The following TSEN15 variants were observed in gnomAD, a reference collection of about 807,000 sequenced individuals.
The protein encoded by TSEN15 is tRNA-splicing endonuclease subunit Sen15.
In TSEN15, 10 loss-of-function variants were observed where a neutral mutation model predicts 20.5. That is an observed-to-expected ratio of 0.49 (90% confidence interval 0.30 to 0.83). The LOEUF (loss-of-function observed/expected upper bound fraction) is 0.83, where lower values mean the gene tolerates loss of function less well. Ranked by LOEUF, TSEN15 falls within the 40% of genes least tolerant of loss-of-function variation. TSEN15 has a pLI of 0.06. For synonymous variants in TSEN15, 72 were observed against 80.1 expected (o/e 0.90, Z 0.54); for missense variants, 180 against 218.6 (o/e 0.82, Z 1.11).
In TSEN15 at chr1:184,072,909, G is replaced by T. The variant is rs1650941703; in HGVS notation, c.*62G>T. On this transcript the variant is annotated 3_prime_UTR_variant, in exon 5 of 5. Transcript: ENST00000645668. ...GATTGGATTTGAGACCCATCAGACT[G>T]CTTCATCTTTTATCTCAGAAATAGG... The T allele has an allele frequency of 6.7e-7, 1 of 1,499,408 alleles. No homozygotes were observed. The highest frequency in any genetic ancestry group is 1.4e-5 in the African/African-American group (1 of 70,400). The allele number at this position is 1,499,408 out of a possible 1,614,324, so 92.9% of individuals were successfully genotyped here. A position where few individuals can be genotyped will look rare whatever the true frequency, so the allele number is the denominator to read the frequency against.
Position 184,072,434 on chromosome 1 carries a change from T to G in TSEN15, c.495+136T>G. 3 of 834,850 alleles carry G rather than the reference T, an allele frequency of 3.6e-6. No individual in the cohort carries two copies. The East Asian group carries it at 9.0e-5, about 25-fold the overall frequency. 51.7% of individuals were successfully genotyped at this position (834,850 alleles called of 1,614,324 possible). ...AAAATTCAAGAAAAAAAGTCTTGAT[T>G]TTCAGACGTCAGAAAATTGGTTATA... On this transcript the variant is annotated intron_variant, in intron 4 of 4. Coordinates refer to ENST00000645668, the MANE Select transcript of TSEN15 (RefSeq NM_052965.4).
rs142861950 is a variant in TSEN15, at chr1:184,060,318, C to G, written c.353+5455C>G. Among the ~76,000 whole-genome samples, 470 of 152,344 alleles carry G rather than the reference C, an allele frequency of 3.1e-3. 2 individuals carry two copies. Among genetic ancestry groups the G allele is most frequent in the African/African-American group, 7.4e-3 (306 of 41,576 alleles). The stretch of plus-strand genomic sequence containing the variant: ...TCTCGACATGCAAAGGAAAATGTCT[C>G]TTCACTAAGGTTCAAGGCTTGGCGA... On this transcript the variant is annotated intron_variant, in intron 3 of 4. Coordinates refer to ENST00000645668, the MANE Select transcript of TSEN15 (RefSeq NM_052965.4).
At chr1:184,095,978 T>C (rs1651442517) in exon 4 of TSEN15, 1 of 374,182 alleles carries the variant, frequency 2.7e-6, no homozygotes, top group Non-Finnish European at 4.7e-6. Flanking sequence ...AATGGCACTA[T>C]CAATAATTGC....
At chr1:184,058,712 A>G (rs1277399092) in intron 3 of TSEN15, among the ~76,000 whole-genome samples, 1 of 152,118 alleles carries the variant, frequency 6.6e-6, no homozygotes, top group Non-Finnish European at 1.5e-5. Flanking sequence ...ATTCATTGGG[A>G]CATGTCCTAA....
At chr1:184,060,422 C>T (rs1248735309) in intron 3 of TSEN15, among the ~76,000 whole-genome samples, 2 of 152,240 alleles carry the variant, frequency 1.3e-5, no homozygotes, top group Non-Finnish European at 2.9e-5. Context: ...GTACATGATG[C>T]CCTGCCCCTG....
At chr1:184,091,288 G>A (rs1204447115) in intron 3 of TSEN15, among the ~76,000 whole-genome samples, 3 of 151,912 alleles carry the variant, frequency 2.0e-5, no homozygotes, top group African/African-American at 7.3e-5. Flanking sequence ...CTTAGAGCAA[G>A]TCACTTATCC....
chr1:184,067,971 T>TAC (rs1557883607), intron 3 of TSEN15, among the ~76,000 whole-genome samples: 2 of 133,152 alleles, frequency 1.5e-5, no homozygotes. Context: ...TATATATATA[T>TAC]GTACATATGT....
chr1:184,082,175 CAGAG>C (rs142101158), intron 3 of TSEN15, among the ~76,000 whole-genome samples: 88 of 152,160 alleles, frequency 5.8e-4, no homozygotes, highest in Middle Eastern at 6.8e-3. Context: ...TAGCATCTGA[CAGAG>C]AGAGAGCTGG....
At chr1:184,071,473 A>C (rs1572714722) in intron 3 of TSEN15, among the ~76,000 whole-genome samples, 1 of 152,188 alleles carries the variant, frequency 6.6e-6, no homozygotes, top group South Asian at 2.1e-4. Flanking sequence ...ATATAAACAT[A>C]TATGACAATA....
At chr1:184,096,033 G>A (rs1317580415) in exon 4 of TSEN15, 1 of 297,292 alleles carries the variant, frequency 3.4e-6, no homozygotes, top group Non-Finnish European at 6.1e-6. Context: ...CTGGGGGAGA[G>A]AGGAAGAATT....
At chr1:184,067,941 A>AAAAAAAAATATAT (rs1400681024) in intron 3 of TSEN15, among the ~76,000 whole-genome samples, 1 of 95,602 alleles carries the variant, frequency 1.0e-5, no homozygotes, top group African/African-American at 4.2e-5. Context: ...AAAAAAAAAA[A>AAAAAAAAATATAT]ATATATATAT....
rs143548566 is a variant in TSEN15, at chr1:184,060,385, G to C, written c.353+5522G>C. The stretch of plus-strand genomic sequence containing the variant: ...TTTAGATCCACTTGTGCCAGGCACC[G>C]TTGTGCAAAGCACAATCTGCATATC... On this transcript the variant is annotated intron_variant, in intron 3 of 4. Coordinates refer to ENST00000645668, the MANE Select transcript of TSEN15 (RefSeq NM_052965.4). Among the ~76,000 whole-genome samples, 470 of 152,338 alleles carry C rather than the reference G, an allele frequency of 3.1e-3. 2 individuals carry two copies. Among genetic ancestry groups the C allele is most frequent in the African/African-American group, 7.4e-3 (306 of 41,572 alleles).
intron 3 of TSEN15, among the ~76,000 whole-genome samples, chr1:184,089,576 C>T (rs1022221869): frequency 1.3e-5 from 2 of 152,014 alleles, no homozygotes; most frequent in African/African-American, 4.8e-5. Flanking sequence ...CAACTGGCCA[C>T]ATTTTGGTGG....
intron 3 of TSEN15, among the ~76,000 whole-genome samples, chr1:184,080,620 A>G (rs556104477): frequency 2.6e-5 from 4 of 152,344 alleles, no homozygotes; most frequent in African/African-American, 9.6e-5. Flanking sequence ...AAACATATTC[A>G]TAAGCAATAT....
chr1:184,079,513 C>T (rs1572719617), intron 3 of TSEN15, among the ~76,000 whole-genome samples: 1 of 152,178 alleles, frequency 6.6e-6, no homozygotes, highest in Admixed American at 6.5e-5. Context: ...AGATGGCAGC[C>T]TTCTGGCTGT....
chr1:184,052,865 T>C (rs1389059041), intron 1 of TSEN15, among the ~76,000 whole-genome samples: 3 of 152,316 alleles, frequency 2.0e-5, no homozygotes, highest in African/African-American at 7.2e-5. Flanking sequence ...TCAGTTTAAA[T>C]CCTGATTCTG....
chr1:184,068,345 A>G (rs1424322350), intron 3 of TSEN15, among the ~76,000 whole-genome samples: 1 of 152,174 alleles, frequency 6.6e-6, no homozygotes, highest in Non-Finnish European at 1.5e-5. Flanking sequence ...AATTCATTTA[A>G]TGACCACTAT....
intron 3 of TSEN15, chr1:184,095,588 T>C: frequency 2.5e-6 from 1 of 395,888 alleles, no homozygotes; most frequent in Non-Finnish European, 4.4e-6. Flanking sequence ...TCTTATAAAA[T>C]GGGGAAGAAA....
At chr1:184,090,352 C>T (rs79767801) in intron 3 of TSEN15, among the ~76,000 whole-genome samples, 3,974 of 152,172 alleles carry the variant, frequency 0.026, 176 homozygotes, top group African/African-American at 0.089. Context: ...TGAAGGAATT[C>T]AGGCAAAAGA....
Sources: allele counts gnomAD v4.1 joint callset (sites outside exome capture counted in the v4.1 genomes callset), GRCh38; gene constraint gnomAD v4.1.1; transcripts MANE v1.5; gene names NCBI Gene and HGNC (gene_info 2026-07-23, HGNC 2026-07-21).